The following SYN3 variants were observed in gnomAD, a reference collection of about 807,000 sequenced individuals.
SYN3 encodes synapsin-3.
SYN3 carries 35 observed loss-of-function variants against 65.8 expected under a neutral mutation model. The ratio of observed to expected loss-of-function variants is 0.53; its 90% CI spans 0.41 to 0.70. SYN3 has a LOEUF of 0.70. Among genes scored for constraint, SYN3 ranks in the 30% least tolerant of loss-of-function variants. The pLI, the probability that SYN3 is intolerant of heterozygous loss-of-function variation, is 0.00. For missense variants in SYN3, 680 were observed against 749.0 expected (o/e 0.91, Z 1.08); for synonymous variants, 270 against 292.9 (o/e 0.92, Z 0.80).
chr22:32,958,171 G>A (rs569668203), intron 3 of SYN3, among the ~76,000 whole-genome samples: 3 of 152,036 alleles, frequency 2.0e-5, no homozygotes, highest in Admixed American at 6.6e-5. Context: ...TAGGCTCAGA[G>A]AAAACATCCC....
chr22:32,746,824 G>C (rs1001326262), intron 6 of SYN3, among the ~76,000 whole-genome samples: 2 of 152,196 alleles, frequency 1.3e-5, no homozygotes, highest in African/African-American at 4.8e-5. Context: ...GAATGGGACT[G>C]AATTGCCAGC....
At chr22:32,862,029 A>G (rs1484436257) in intron 6 of SYN3, 1 of 152,630 alleles carries the variant, frequency 6.6e-6, no homozygotes, top group African/African-American at 2.4e-5. Flanking sequence ...TGGGGGAAAT[A>G]GAAGGAACTA....
chr22:32,718,857 G>T (rs147707307), intron 6 of SYN3, among the ~76,000 whole-genome samples: 1 of 152,144 alleles, frequency 6.6e-6, no homozygotes, highest in Non-Finnish European at 1.5e-5. Flanking sequence ...GGCACCCAGC[G>T]TTCCTTTTAA....
At chr22:32,573,839 G>A (rs995946170) in intron 7 of SYN3, among the ~76,000 whole-genome samples, 1 of 146,866 alleles carries the variant, frequency 6.8e-6, no homozygotes, top group East Asian at 2.0e-4. Flanking sequence ...GTGTGATCTC[G>A]GCTCACTGCA....
In SYN3 at chr22:33,006,533, G is replaced by A; in HGVS notation, c.130C>T (p.His44Tyr). Residue 44 changes from histidine (H) to tyrosine (Y), a missense_variant, in exon 2 of 14, where the codon CAC (histidine) becomes TAC (tyrosine). Coordinates refer to ENST00000358763, the MANE Select transcript of SYN3 (RefSeq NM_003490.4). Reference sequence around the variant, plus strand: ...AAGGAGGCAGCCAGGGGCTGGGGGTGCCTCCTCTCCATGGCGGGGGAAGCA... The same window carrying A: ...AAGGAGGCAGCCAGGGGCTGGGGGTACCTCCTCTCCATGGCGGGGGAAGCA... ...SPASPAMERR[H>Y]PQPLAASFSS... The A allele has an allele frequency of 6.2e-7, 1 of 1,614,198 alleles. No individual in the cohort carries two copies. The highest frequency in any genetic ancestry group is 8.5e-7 in the Non-Finnish European group (1 of 1,180,036).
chr22:32,962,638 CCAGA>C (rs2051691678), intron 3 of SYN3, among the ~76,000 whole-genome samples: 1 of 152,080 alleles, frequency 6.6e-6, no homozygotes, highest in African/African-American at 2.4e-5. Context: ...CAGACGGAAG[CCAGA>C]CAGACAGGAG....
intron 6 of SYN3, among the ~76,000 whole-genome samples, chr22:32,791,204 C>T (rs1296563343): frequency 1.3e-5 from 2 of 152,220 alleles, no homozygotes; most frequent in African/African-American, 4.8e-5. Flanking sequence ...GGACCTGGCA[C>T]ATAGCAGCGC....
chr22:33,003,587 G>C (rs1449033582), intron 2 of SYN3, among the ~76,000 whole-genome samples: 1 of 152,178 alleles, frequency 6.6e-6, no homozygotes, highest in Non-Finnish European at 1.5e-5. Context: ...TTGAACTTGA[G>C]AGAGATGATT....
In SYN3 at chr22:32,509,027, C is replaced by T. The variant is rs185302234; in HGVS notation, c.*4665G>A. ...TGTATCTGAATATTAGTTAATTCAG[C>T]AGGGACGGAATGTTAGGCTAGAGAA... On this transcript the variant is annotated 3_prime_UTR_variant, in exon 14 of 14. Transcript: ENST00000358763. Among the ~76,000 whole-genome samples, 507 of 152,296 alleles carry T rather than the reference C, an allele frequency of 3.3e-3. 7 individuals are homozygous for T. The highest frequency in any genetic ancestry group is 8.2e-3 in the African/African-American group (340 of 41,554).
chr22:32,905,481 C>T (rs1201862327), intron 4 of SYN3, among the ~76,000 whole-genome samples: 1 of 152,236 alleles, frequency 6.6e-6, no homozygotes. Context: ...TCCACCCTGC[C>T]TCAAATTCCT....
At chr22:32,667,898 A>G (rs2060312068) in intron 6 of SYN3, among the ~76,000 whole-genome samples, 1 of 145,220 alleles carries the variant, frequency 6.9e-6, no homozygotes, top group Non-Finnish European at 1.5e-5. Flanking sequence ...GGTTCATGCC[A>G]TTCTCTTGCC....
At chr22:32,862,305 C>T (rs879905574) in intron 6 of SYN3, 1 of 152,308 alleles carries the variant, frequency 6.6e-6, no homozygotes, top group African/African-American at 2.4e-5. Flanking sequence ...GCTCCATGCT[C>T]AGGCTCTCAG....
At chr22:32,823,259 A>G (rs1234555673) in intron 6 of SYN3, among the ~76,000 whole-genome samples, 1 of 152,062 alleles carries the variant, frequency 6.6e-6, no homozygotes, top group Non-Finnish European at 1.5e-5. Context: ...GTGGTCAGTT[A>G]CCTGATTGCT....
chr22:32,673,014 T>C (rs2740989), intron 6 of SYN3, among the ~76,000 whole-genome samples: 16,593 of 152,222 alleles, frequency 0.11, 1,121 homozygotes, highest in South Asian at 0.24. Context: ...GGGCCCCAGA[T>C]GGGGTTCAAG....
chr22:32,701,404 T>C (rs930512044), intron 6 of SYN3, among the ~76,000 whole-genome samples: 24 of 152,092 alleles, frequency 1.6e-4, no homozygotes, highest in African/African-American at 5.1e-4. Flanking sequence ...TTACCAGGTA[T>C]GTAAGAAAGC....
intron 4 of SYN3, among the ~76,000 whole-genome samples, chr22:32,877,161 C>A (rs771933650): frequency 6.6e-6 from 1 of 152,176 alleles, no homozygotes; most frequent in Admixed American, 6.5e-5. Context: ...ACAATTGCTC[C>A]GAGGTCACTT....
chr22:32,757,990 G>GT (rs1261900527), intron 6 of SYN3, among the ~76,000 whole-genome samples: 1 of 152,226 alleles, frequency 6.6e-6, no homozygotes, highest in African/African-American at 2.4e-5. Flanking sequence ...AACGAGGACT[G>GT]TAACTGTCAT....
chr22:32,551,868 G>A (rs2058420750), intron 7 of SYN3, among the ~76,000 whole-genome samples: 1 of 152,176 alleles, frequency 6.6e-6, no homozygotes, highest in Admixed American at 6.5e-5. Flanking sequence ...TTGGGGGAGA[G>A]GAATGGGTAG....
chr22:32,523,222 CAG>C (rs140498306), intron 12 of SYN3, among the ~76,000 whole-genome samples: 1 of 152,274 alleles, frequency 6.6e-6, no homozygotes, highest in African/African-American at 2.4e-5. Flanking sequence ...CCATATAAGA[CAG>C]TGAACTGGCC....
Sources: gnomAD v4.1 joint callset for allele counts (sites outside exome capture counted in the v4.1 genomes callset) on GRCh38, gnomAD v4.1.1 for gene constraint, MANE v1.5 for transcripts, NCBI Gene and HGNC (gene_info 2026-07-23, HGNC 2026-07-21) for gene names.